The following PACRG variants were observed in gnomAD, a reference collection of about 807,000 sequenced individuals.
PACRG encodes the protein parkin coregulated.
In PACRG, 29 loss-of-function variants were observed where a neutral mutation model predicts 29.7. That is an observed-to-expected ratio of 0.98 (90% CI 0.73 to 1.33). The LOEUF (loss-of-function observed/expected upper bound fraction) is 1.33, where lower values mean the gene tolerates loss of function less well. PACRG is among the 40% of genes most tolerant of loss of function. The pLI is 0.00. For missense variants in PACRG, 279 were observed against 316.2 expected (o/e 0.88, Z 0.89); for synonymous variants, 116 against 118.7 (o/e 0.98, Z 0.15).
chr6:162,737,625 GTA>G (rs2128255193), intron 1 of PACRG, among the ~76,000 whole-genome samples: 1 of 152,220 alleles, frequency 6.6e-6, no homozygotes, highest in Admixed American at 6.5e-5. Context: ...CCACAACTTG[GTA>G]ATATGTTTTA....
chr6:162,884,439 T>C (rs1395974361), intron 2 of PACRG, among the ~76,000 whole-genome samples: 2 of 152,124 alleles, frequency 1.3e-5, no homozygotes, highest in Non-Finnish European at 2.9e-5. Context: ...TGCACACAAG[T>C]GTAAATGATA....
chr6:163,002,300 A>G (rs890934889), intron 2 of PACRG, among the ~76,000 whole-genome samples: 1 of 152,188 alleles, frequency 6.6e-6, no homozygotes, highest in African/African-American at 2.4e-5. Context: ...GCATTCGTTC[A>G]TTGCTAGATA....
At chr6:162,791,261 T>C (rs913117964) in intron 1 of PACRG, among the ~76,000 whole-genome samples, 1 of 150,472 alleles carries the variant, frequency 6.6e-6, no homozygotes, top group East Asian at 2.0e-4. Flanking sequence ...GGGGTTTTTG[T>C]GGGTATATTT....
At chr6:163,155,935 C>G (rs776526709) in intron 4 of PACRG, among the ~76,000 whole-genome samples, 1 of 152,216 alleles carries the variant, frequency 6.6e-6, no homozygotes, top group Non-Finnish European at 1.5e-5. Flanking sequence ...TCTGGAATGT[C>G]CTTTCCCCTC....
rs1187184037 is a variant in PACRG at position 163,237,034 on chromosome 6, G to A, written c.614-77793G>A. Among the ~76,000 whole-genome samples, 3 of 152,218 alleles carry A rather than the reference G, an allele frequency of 2.0e-5. No individual in the cohort carries two copies. The East Asian group carries it at 5.8e-4, about 29-fold the overall frequency. On this transcript the variant is annotated intron_variant, in intron 4 of 4. Transcript: ENST00000366888. Reference sequence around the variant, plus strand: ...CCATGATCCAATCACCTTCCACTAGGCCCCTTTCCCAACATTGGGGATTAC... The same window carrying A: ...CCATGATCCAATCACCTTCCACTAGACCCCTTTCCCAACATTGGGGATTAC...
At chr6:163,141,725 T>G (rs1817160915) in intron 4 of PACRG, among the ~76,000 whole-genome samples, 2 of 151,252 alleles carry the variant, frequency 1.3e-5, no homozygotes, top group Admixed American at 1.3e-4. Flanking sequence ...AGAAGCAAAA[T>G]CCACCAAAAT....
At chr6:162,844,499 A>G (rs1351903103) in intron 2 of PACRG, among the ~76,000 whole-genome samples, 1 of 151,918 alleles carries the variant, frequency 6.6e-6, no homozygotes, top group East Asian at 1.9e-4. Context: ...ACTTTCTGGC[A>G]CTCCCTAGTG....
At chr6:162,762,054 C>A (rs907674531) in intron 1 of PACRG, among the ~76,000 whole-genome samples, 1 of 149,938 alleles carries the variant, frequency 6.7e-6, no homozygotes, top group Non-Finnish European at 1.5e-5. Flanking sequence ...CCAAGTTCCA[C>A]GTGGGCAGGG....
intron 1 of PACRG, among the ~76,000 whole-genome samples, chr6:162,736,324 C>T (rs1780159581): frequency 6.6e-6 from 1 of 151,936 alleles, no homozygotes; most frequent in Non-Finnish European, 1.5e-5. Flanking sequence ...AGTACATGTA[C>T]GTAGACTTTC....
At chr6:163,026,771 CTAAA>C (rs2128224916) in intron 2 of PACRG, among the ~76,000 whole-genome samples, 1 of 152,274 alleles carries the variant, frequency 6.6e-6, no homozygotes, top group East Asian at 1.9e-4. Flanking sequence ...TGTTGAATGA[CTAAA>C]TAAGGCGTTT....
At chr6:163,086,443 T>A (rs1339225167) in intron 3 of PACRG, among the ~76,000 whole-genome samples, 1 of 152,182 alleles carries the variant, frequency 6.6e-6, no homozygotes, top group Non-Finnish European at 1.5e-5. Flanking sequence ...ACTGCTGCTG[T>A]AATGAGCCAT....
At chr6:162,960,896 A>G (rs947158741) in intron 2 of PACRG, among the ~76,000 whole-genome samples, 6 of 152,250 alleles carry the variant, frequency 3.9e-5, no homozygotes, top group Non-Finnish European at 5.9e-5. Flanking sequence ...GTTTAACAGC[A>G]CCATCAGGAA....
At chr6:162,727,868 T>C (rs1779388804), upstream of PACRG, 1 of 601,604 alleles carries the variant, frequency 1.7e-6, no homozygotes, top group East Asian at 3.0e-5. Flanking sequence ...TAGTTTCTCC[T>C]CACGCCTCCT....
intron 4 of PACRG, among the ~76,000 whole-genome samples, chr6:163,094,916 T>C (rs1383457744): frequency 6.6e-6 from 1 of 152,248 alleles, no homozygotes; most frequent in Admixed American, 6.5e-5. Flanking sequence ...TAGAAAACTT[T>C]CCTTCCCCCT....
chr6:162,797,294 A>C (rs1297659383), intron 1 of PACRG, among the ~76,000 whole-genome samples: 1 of 152,128 alleles, frequency 6.6e-6, no homozygotes, highest in Non-Finnish European at 1.5e-5. Flanking sequence ...AAAAAAAACA[A>C]CAACAACAGA....
intron 4 of PACRG, among the ~76,000 whole-genome samples, chr6:163,306,315 GAA>G (rs1378166956): frequency 2.0e-5 from 3 of 152,132 alleles, no homozygotes; most frequent in Non-Finnish European, 4.4e-5. Flanking sequence ...TGGCCAATAA[GAA>G]AAGAGATGAG....
At chr6:163,265,450 T>C (rs1339140606) in intron 4 of PACRG, among the ~76,000 whole-genome samples, 1 of 152,084 alleles carries the variant, frequency 6.6e-6, no homozygotes, top group African/African-American at 2.4e-5. Flanking sequence ...ATGGAAGAAA[T>C]GTGGGTAAAT....
chr6:162,770,954 A>T lies in PACRG; in HGVS notation c.156+42563A>T, dbSNP rs1783170143. Among the ~76,000 whole-genome samples, 4 of 151,990 alleles carry T rather than the reference A, an allele frequency of 2.6e-5. No homozygotes were observed. In the South Asian group the frequency reaches 8.3e-4, roughly 32 times the overall value. ...TTGTTGTCACGGTTTTATATAAGGGATTTTTTTTAGTTCTAGGGGACAATC... is the reference window on the plus strand; with the variant it reads ...TTGTTGTCACGGTTTTATATAAGGGTTTTTTTTTAGTTCTAGGGGACAATC... On this transcript the variant is annotated intron_variant, in intron 1 of 4. Coordinates refer to ENST00000366888, the MANE Select transcript of PACRG (RefSeq NM_001080379.2).
At chr6:162,750,594 G>T (rs1781440593) in intron 1 of PACRG, among the ~76,000 whole-genome samples, 1 of 152,140 alleles carries the variant, frequency 6.6e-6, no homozygotes, top group Admixed American at 6.5e-5. Context: ...TTAAGATAGT[G>T]TCCACAATGC....
Sources: allele counts gnomAD v4.1 joint callset (sites outside exome capture counted in the v4.1 genomes callset), GRCh38; gene constraint gnomAD v4.1.1; transcripts MANE v1.5; gene names NCBI Gene and HGNC (gene_info 2026-07-23, HGNC 2026-07-21).